The following SLC35F4 variants were observed in gnomAD, a reference collection of about 807,000 sequenced individuals.
SLC35F4 encodes the protein chromosome 14 open reading frame 36.
SLC35F4 carries 24 observed loss-of-function variants against 44.2 expected under a neutral mutation model. The ratio of observed to expected loss-of-function variants is 0.54; its 90% CI spans 0.39 to 0.76. The LOEUF is 0.76. Ranked by LOEUF, SLC35F4 falls within the 30% of genes least tolerant of loss-of-function variation. SLC35F4 has a pLI of 0.00. For synonymous variants in SLC35F4, 238 were observed against 223.6 expected, an observed-to-expected ratio of 1.06 and a Z score of -0.57; for missense variants, 562 against 586.1, an observed-to-expected ratio of 0.96 and a Z score of 0.42.
chr14:57,744,745 A>T (rs1024617228), intron 1 of SLC35F4, among the ~76,000 whole-genome samples: 1 of 152,206 alleles, frequency 6.6e-6, no homozygotes, highest in Non-Finnish European at 1.5e-5. Flanking sequence ...AAACTACTTT[A>T]AAGTTCATAT....
chr14:57,676,395 G>C (rs115448438), intron 1 of SLC35F4, among the ~76,000 whole-genome samples: 1 of 151,886 alleles, frequency 6.6e-6, no homozygotes, highest in African/African-American at 2.4e-5. Flanking sequence ...ACACATGGAC[G>C]CAGGGGCAAC....
intron 1 of SLC35F4, among the ~76,000 whole-genome samples, chr14:57,955,129 T>C (rs1258787556): frequency 2.0e-5 from 3 of 152,162 alleles, no homozygotes; most frequent in African/African-American, 7.2e-5. Context: ...TATGCAAGGC[T>C]GGTACAACAT....
At chr14:57,571,607 C>T (rs1045324917) in intron 5 of SLC35F4, among the ~76,000 whole-genome samples, 3 of 152,168 alleles carry the variant, frequency 2.0e-5, no homozygotes, top group Admixed American at 6.5e-5. Context: ...AGTCTTGGCT[C>T]TATCACTATT....
intron 4 of SLC35F4, among the ~76,000 whole-genome samples, chr14:57,576,227 G>A (rs1046201051): frequency 6.6e-6 from 1 of 152,146 alleles, no homozygotes; most frequent in African/African-American, 2.4e-5. Context: ...AGATTTTAAA[G>A]GTCAAGATGA....
chr14:57,807,053 T>G (rs918238075), intron 1 of SLC35F4, among the ~76,000 whole-genome samples: 1 of 152,210 alleles, frequency 6.6e-6, no homozygotes, highest in African/African-American at 2.4e-5. Context: ...TCTTAATCAT[T>G]GATAAATTTT....
At position 57,564,112 on chromosome 14, in the gene SLC35F4, G is replaced by A. The variant is rs148357434; in HGVS notation, c.*23C>T. The stretch of plus-strand genomic sequence containing the variant: ...TTATATTCACAGAATATACATACAC[G>A]TGCATTCAAAATATGTCCCTCTCTA... On this transcript the variant is annotated 3_prime_UTR_variant, in exon 8 of 8. Coordinates refer to ENST00000556826, the MANE Select transcript of SLC35F4 (RefSeq NM_001306087.2). 244 of 1,612,116 alleles carry A rather than the reference G, an allele frequency of 1.5e-4. 3 individuals are homozygous for A. The East Asian group carries it at 5.2e-3, about 34-fold the overall frequency.
intron 1 of SLC35F4, among the ~76,000 whole-genome samples, chr14:57,967,394 C>T (rs1217246943): frequency 6.6e-6 from 1 of 152,184 alleles, no homozygotes; most frequent in East Asian, 1.9e-4. Flanking sequence ...CTTCTACATC[C>T]TATTCCATAT....
intron 1 of SLC35F4, among the ~76,000 whole-genome samples, chr14:57,825,633 A>C (rs1566884933): frequency 6.6e-6 from 1 of 152,214 alleles, no homozygotes; most frequent in Non-Finnish European, 1.5e-5. Context: ...ATCTCAGCCC[A>C]AAAGCTTCTT....
At chr14:57,633,760 T>G (rs139279832) in intron 1 of SLC35F4, among the ~76,000 whole-genome samples, 2 of 152,126 alleles carry the variant, frequency 1.3e-5, no homozygotes, top group African/African-American at 4.8e-5. Context: ...GAAACCATTA[T>G]AGAAATTAAA....
chr14:57,878,245 C>T (rs975169139), intron 1 of SLC35F4, among the ~76,000 whole-genome samples: 2 of 152,104 alleles, frequency 1.3e-5, no homozygotes, highest in African/African-American at 4.8e-5. Context: ...AGTATTTTCT[C>T]CCATTCTGTA....
At chr14:57,702,345 A>T (rs935459501) in intron 1 of SLC35F4, among the ~76,000 whole-genome samples, 2 of 151,704 alleles carry the variant, frequency 1.3e-5, no homozygotes, top group Non-Finnish European at 2.9e-5. Context: ...AAAAAAAAAA[A>T]AAAAAGGAAA....
chr14:57,616,568 G>A (rs1375180347), intron 1 of SLC35F4, among the ~76,000 whole-genome samples: 1 of 152,176 alleles, frequency 6.6e-6, no homozygotes, highest in African/African-American at 2.4e-5. Context: ...GCCTTCTAGG[G>A]AAGTGTATGA....
intron 1 of SLC35F4, among the ~76,000 whole-genome samples, chr14:57,819,063 G>T (rs1313904433): frequency 1.3e-5 from 2 of 151,968 alleles, no homozygotes; most frequent in Admixed American, 6.6e-5. Context: ...TTTTTGAGGG[G>T]AATAAGAATT....
intron 1 of SLC35F4, among the ~76,000 whole-genome samples, chr14:57,738,772 T>C (rs1006570373): frequency 4.6e-5 from 5 of 109,094 alleles, no homozygotes; most frequent in South Asian, 3.1e-4. Context: ...TATATATATA[T>C]ATATATATAT....
chr14:57,574,280 A>C (rs905888183), intron 4 of SLC35F4, among the ~76,000 whole-genome samples: 1 of 152,242 alleles, frequency 6.6e-6, no homozygotes, highest in East Asian at 1.9e-4. Context: ...TCAAAATTAT[A>C]ACCATAGTGA....
At chr14:57,915,289 T>C (rs544228093) in intron 1 of SLC35F4, among the ~76,000 whole-genome samples, 1 of 152,258 alleles carries the variant, frequency 6.6e-6, no homozygotes, top group South Asian at 2.1e-4. Context: ...ATCTTTCAAG[T>C]GTCTTCAGGG....
At chr14:57,877,264 G>T (rs1472723954) in intron 1 of SLC35F4, among the ~76,000 whole-genome samples, 3 of 152,094 alleles carry the variant, frequency 2.0e-5, no homozygotes, top group Admixed American at 6.5e-5. Flanking sequence ...GCAGCATTTG[G>T]TTTTATGTTC....
rs1286234211 is a variant in SLC35F4, at chr14:57,656,370, TATATATACAC to T, written c.104-62256_104-62247del. ...CACATGTCCTTAGAGTATATATATA[TATATATACAC>T]ACACACACACACACACACACACACA... On this transcript the variant is annotated intron_variant, in intron 1 of 7. Transcript: ENST00000556826. 1.4e-3 allele frequency among the ~76,000 whole-genome samples: 112 copies of T among 79,224 alleles called. 1 individual carries two copies. The highest frequency in any genetic ancestry group is 6.2e-3 in the African/African-American group (99 of 15,984). The allele number at this position is 79,224 out of a possible 152,430, so 52.0% of individuals were successfully genotyped here.
chr14:57,937,054 A>G (rs1255597063), intron 1 of SLC35F4, among the ~76,000 whole-genome samples: 1 of 132,544 alleles, frequency 7.5e-6, no homozygotes, highest in African/African-American at 2.8e-5. Context: ...ATTAATAAAT[A>G]TTTTACCTGC....
Sources: gnomAD v4.1 joint callset for allele counts (sites outside exome capture counted in the v4.1 genomes callset) on GRCh38, gnomAD v4.1.1 for gene constraint, MANE v1.5 for transcripts, NCBI Gene and HGNC (gene_info 2026-07-23, HGNC 2026-07-21) for gene names.